TMC8: variants seen among roughly 807,000 people sequenced by gnomAD.
The protein encoded by TMC8 is transmembrane channel-like protein 8.
Under a neutral mutation model 76.0 loss-of-function variants are expected in TMC8, and 71 were observed. The ratio of observed to expected loss-of-function variants is 0.93; its 90% CI spans 0.77 to 1.14. The LOEUF is 1.14. Ranked by LOEUF, TMC8 falls within the 50% of genes most tolerant of loss-of-function variation. The pLI is 0.00. For missense variants in TMC8, 924 were observed against 947.9 expected, an observed-to-expected ratio of 0.97 and a Z score of 0.33; for synonymous variants, 433 against 433.8, an observed-to-expected ratio of 1.00 and a Z score of 0.02.
At position 78,131,719 on chromosome 17, in the gene TMC8, T is replaced by G. The variant is rs1416488031; in HGVS notation, c.131T>G (p.Met44Arg). The change falls in exon 2 of 16, where the codon ATG (methionine) becomes AGG (arginine). Residue 44 changes from methionine (M) to arginine (R), a missense_variant. Met to Arg is a moderately conservative substitution (Grantham distance 91). Coordinates refer to ENST00000318430, the MANE Select transcript of TMC8 (RefSeq NM_152468.5). ...TPVRGLPYAMMDKRLIWQLRE... is the reference protein window; with the variant it reads ...TPVRGLPYAMRDKRLIWQLRE... ...GTGCGCGGGCTGCCCTATGCCATGA[T>G]GGACAAGCGCCTCATCTGGTGGGTG... 5 of 1,584,904 alleles carry G rather than the reference T, an allele frequency of 3.2e-6. No homozygotes were observed. The South Asian group carries it at 5.7e-5, about 18-fold the overall frequency.
rs565022377 is a variant in TMC8 at position 78,132,621 on chromosome 17, C to A, written c.448+113C>A. The A allele has an allele frequency of 2.3e-5, 34 of 1,507,634 alleles. No individual in the cohort carries two copies. The African/African-American group carries it at 4.1e-4, about 18-fold the overall frequency. 93.4% of individuals were successfully genotyped at this position (1,507,634 alleles called of 1,614,324 possible). A position where few individuals can be genotyped will look rare whatever the true frequency, so the allele number is the denominator to read the frequency against. ...GCTGGGCGTGGTCCTGCCGTGCAGG[C>A]CCCGGGGCTCTCTCTCCCTGACCTC... On this transcript the variant is annotated intron_variant, in intron 4 of 15. Coordinates refer to ENST00000318430, the MANE Select transcript of TMC8 (RefSeq NM_152468.5).
chr17:78,137,377 G>A lies in TMC8; in HGVS notation c.1251+19G>A. On this transcript the variant is annotated intron_variant, in intron 10 of 15. Transcript: ENST00000318430. ...CTATCAGGTGGCTGGCAGCCCGGCG[G>A]GGCCTGTCCCTCCCTTCCTTCTCCC... 1 of 1,613,622 alleles carries A rather than the reference G, an allele frequency of 6.2e-7. No individual in the cohort carries two copies. The highest frequency in any genetic ancestry group is 1.3e-5 in the African/African-American group (1 of 75,048).
At chr17:78,133,780 G>C (rs1418042158) in intron 6 of TMC8, 73 bp from the exon 7 acceptor site, 4 of 1,607,238 alleles carry the variant, frequency 2.5e-6, no homozygotes, top group Non-Finnish European at 3.4e-6. Context: ...CCCAGACCCA[G>C]AGCCGAGCCA....
At chr17:78,140,596 G>T (rs2075349403) in intron 15 of TMC8, among the ~76,000 whole-genome samples, 1 of 151,268 alleles carries the variant, frequency 6.6e-6, no homozygotes, top group Non-Finnish European at 1.5e-5. Context: ...GCATCTGGCT[G>T]CGTTGTGGAC....
chr17:78,137,955 CCA>C, intron 11 of TMC8, 48 bp from the exon 12 acceptor site: 1 of 1,610,426 alleles, frequency 6.2e-7, no homozygotes, highest in Non-Finnish European at 8.5e-7. Context: ...CCAATACAGC[CCA>C]CGCATCTGTC....
chr17:78,132,620 G>A, intron 4 of TMC8, 112 bp downstream of exon 4: 2 of 1,515,812 alleles, frequency 1.3e-6, no homozygotes, highest in Non-Finnish European at 1.8e-6. Context: ...TGCCGTGCAG[G>A]CCCCGGGGCT....
chr17:78,135,110 G>T, intron 9 of TMC8, 101 bp downstream of exon 9: 1 of 1,506,114 alleles, frequency 6.6e-7, no homozygotes, highest in Non-Finnish European at 9.1e-7. Context: ...CCAGCTGAGA[G>T]GCTTCCCCCT....
rs574873813 is a variant in TMC8 at position 78,138,372 on chromosome 17, G to A, written c.1557G>A (p.Arg519=). 1 of 1,611,464 alleles carries A rather than the reference G, an allele frequency of 6.2e-7. No homozygotes were observed. The highest frequency in any genetic ancestry group is 2.2e-5 in the East Asian group (1 of 44,888). Reference sequence around the variant, plus strand: ...AGTACACCCTCCTGAAGAACTCCAGGGCATCTTCGCGGCCCTTCCGTGCCT... The same window carrying A: ...AGTACACCCTCCTGAAGAACTCCAGAGCATCTTCGCGGCCCTTCCGTGCCT... The part of the protein sequence containing the change: ...IKKYTLLKNS[R]ASSRPFRASS... The change falls in exon 13 of 16, where the codon AGG becomes AGA. Residue 519 remains arginine (R), a synonymous_variant. Transcript: ENST00000318430.
chr17:78,134,435 G>A lies in TMC8; in HGVS notation c.858G>A (p.Gln286=), dbSNP rs2075162620. The part of the protein sequence containing the change: ...EEGRRFQLMQ[Q]QTRAQTACRL... The stretch of plus-strand genomic sequence containing the variant: ...GCCGTCGCTTCCAGCTGATGCAGCA[G>A]CAGACCCGGGCCCAGACGGCCTGCC... The change falls in exon 8 of 16, where the codon CAG becomes CAA. Residue 286 remains glutamine, a synonymous_variant. Transcript: ENST00000318430. The A allele has an allele frequency of 6.2e-7, 1 of 1,613,368 alleles. No homozygotes were observed. Among genetic ancestry groups the A allele is most frequent in the African/African-American group, 1.3e-5 (1 of 74,936 alleles).
At chr17:78,140,763 G>C in intron 15 of TMC8, 71 bp from the exon 16 acceptor site, 2 of 1,550,650 alleles carry the variant, frequency 1.3e-6, no homozygotes, top group Non-Finnish European at 1.7e-6. Flanking sequence ...CAGAGTTGCT[G>C]CCGCTGCTGT....
intron 4 of TMC8, 98 bp from the exon 5 acceptor site, chr17:78,132,690 C>T (rs2145606600): frequency 6.6e-7 from 1 of 1,525,562 alleles, no homozygotes. Flanking sequence ...AGCCCCCTGC[C>T]CAGGCCTCCC....
rs780579678 is a variant in TMC8, at chr17:78,132,361, C to G, written c.301C>G (p.Leu101Val). 2.5e-6 allele frequency: 4 copies of G among 1,612,964 alleles called. No individual in the cohort carries two copies. In the South Asian group the frequency reaches 3.3e-5, roughly 13 times the overall value. ...WEGALYEIGG[L>V]FGTGIRSYFT... ...CCCACCCTGCTCTCCCACTGCAGGCCTCTTCGGCACAGGAATTCGGTCCTA... is the reference window on the plus strand; with the variant it reads ...CCCACCCTGCTCTCCCACTGCAGGCGTCTTCGGCACAGGAATTCGGTCCTA... Residue 101 changes from leucine to valine, a missense_variant and splice_region_variant, in exon 4 of 16, where the codon CTC becomes GTC. By Grantham distance (32) the Leu-to-Val change is conservative. Coordinates refer to ENST00000318430, the MANE Select transcript of TMC8 (RefSeq NM_152468.5).
At position 78,138,043 on chromosome 17, in the gene TMC8, G is replaced by A. The variant is rs765155538; in HGVS notation, c.1388G>A (p.Trp463Ter). The A allele has an allele frequency of 6.2e-7, 1 of 1,614,024 alleles. No homozygotes were observed. Among genetic ancestry groups the A allele is most frequent in the Admixed American group, 1.7e-5 (1 of 60,034 alleles). Residue 463 changes from tryptophan to a stop codon, truncating the protein, a stop_gained, in exon 12 of 16, where the codon TGG (tryptophan) becomes TAG (stop). Coordinates refer to ENST00000318430, the MANE Select transcript of TMC8 (RefSeq NM_152468.5). LOFTEE classifies it high-confidence loss of function. ...CGGTTCTCAGGCCGGTTCTGGGCCT[G>A]GCTGGAACGGGAGGAGTTCCTGGTC... is the stretch of plus-strand genomic sequence containing the variant. The part of the protein sequence containing the change: ...VDRFSGRFWA[W>*]LEREEFLVPK...
At chr17:78,137,615 C>A in intron 10 of TMC8, 102 bp from the exon 11 acceptor site, 1 of 1,204,564 alleles carries the variant, frequency 8.3e-7, no homozygotes, top group Non-Finnish European at 1.2e-6. Context: ...TATCAGACAC[C>A]AGGCAAGGCA....
rs889940260 is a variant in TMC8, at chr17:78,137,506, G to A, written c.1251+148G>A. ...GCCTGCACCGCCGCACACCTCCAGG[G>A]GGCGCCACTGCTGCCACATGGTGTA... is the stretch of plus-strand genomic sequence containing the variant. On this transcript the variant is annotated intron_variant, in intron 10 of 15. Transcript: ENST00000318430. 2.1e-5 allele frequency: 30 copies of A among 1,410,878 alleles called. No individual in the cohort carries two copies. The African/African-American group carries it at 3.8e-4, about 18-fold the overall frequency. 87.4% of individuals were successfully genotyped at this position (1,410,878 alleles called of 1,614,324 possible).
At chr17:78,134,706 C>T (rs909479585) in intron 8 of TMC8, 142 bp downstream of exon 8, 5 of 1,500,728 alleles carry the variant, frequency 3.3e-6, no homozygotes, top group South Asian at 2.3e-5. Context: ...CAGGCGGGCT[C>T]CCACTGGATA....
intron 14 of TMC8, 184 bp downstream of exon 14, chr17:78,138,916 A>T (rs1236403667): frequency 6.5e-7 from 1 of 1,536,314 alleles, no homozygotes; most frequent in Non-Finnish European, 8.7e-7. Flanking sequence ...GGATTGCAGG[A>T]TCACTGGGGA....
Position 78,133,438 on chromosome 17 carries a change from G to C in TMC8, c.564G>C (p.Ala188=), listed in dbSNP as rs147347722. 8.1e-6 allele frequency: 13 copies of C among 1,613,686 alleles called. No homozygotes were observed. The highest frequency in any genetic ancestry group is 1.1e-5 in the Non-Finnish European group (13 of 1,180,042). ...CCAACACCTATCTCTTCTACGGTGC[G>C]TACCGAGTGGGGCCGGAGAGCAGCT... The part of the protein sequence containing the change: ...AFTNTYLFYG[A]YRVGPESSSV... The change falls in exon 6 of 16, where the codon GCG becomes GCC. Residue 188 remains alanine (A), a synonymous_variant. Coordinates refer to ENST00000318430, the MANE Select transcript of TMC8 (RefSeq NM_152468.5).
intron 8 of TMC8, 149 bp from the exon 9 acceptor site, chr17:78,134,721 C>T (rs2075174820): frequency 1.1e-5 from 16 of 1,509,644 alleles, no homozygotes; most frequent in South Asian, 8.1e-5. Context: ...TGGATATTCC[C>T]GCCAACTGCC....
Sources: gnomAD v4.1 joint callset for allele counts (sites outside exome capture counted in the v4.1 genomes callset) on GRCh38, gnomAD v4.1.1 for gene constraint, MANE v1.5 for transcripts, NCBI Gene and HGNC (gene_info 2026-07-23, HGNC 2026-07-21) for gene names.